SPON1: variants seen among roughly 807,000 people sequenced by gnomAD.
SPON1 encodes spondin 1.
Under a neutral mutation model 111.7 loss-of-function variants are expected in SPON1, and 52 were observed. That is an observed-to-expected ratio of 0.47 (90% confidence interval 0.37 to 0.59). SPON1 has a LOEUF of 0.59. Among genes scored for constraint, SPON1 ranks in the 20% least tolerant of loss-of-function variants. The pLI, the probability that SPON1 is intolerant of heterozygous loss-of-function variation, is 0.00. For synonymous variants in SPON1, 410 were observed against 395.8 expected, an observed-to-expected ratio of 1.04 and a Z score of -0.43; for missense variants, 957 against 1,068.5, an observed-to-expected ratio of 0.90 and a Z score of 1.46.
intron 2 of SPON1, among the ~76,000 whole-genome samples, chr11:14,038,883 A>G (rs1196769784): frequency 6.6e-6 from 1 of 152,230 alleles, no homozygotes; most frequent in East Asian, 1.9e-4. Context: ...ATGTCCACCC[A>G]AAAACCTGCA....
chr11:14,076,918 T>G (rs1848922391), intron 4 of SPON1, among the ~76,000 whole-genome samples: 1 of 152,224 alleles, frequency 6.6e-6, no homozygotes, highest in Admixed American at 6.5e-5. Flanking sequence ...GCTTTTCTTT[T>G]TTGTGTTCAA....
chr11:14,171,028 T>G (rs1554932395), intron 6 of SPON1, among the ~76,000 whole-genome samples: 1 of 152,236 alleles, frequency 6.6e-6, no homozygotes, highest in African/African-American at 2.4e-5. Flanking sequence ...TAGGGAGGAT[T>G]CCCTCTTTTT....
At chr11:14,231,766 C>A (rs1190263189) in intron 6 of SPON1, among the ~76,000 whole-genome samples, 2 of 151,712 alleles carry the variant, frequency 1.3e-5, no homozygotes, top group Non-Finnish European at 2.9e-5. Flanking sequence ...TGTGACATGA[C>A]TTTTTTAATG....
At chr11:14,161,629 C>G (rs1481346327) in intron 6 of SPON1, among the ~76,000 whole-genome samples, 1 of 151,866 alleles carries the variant, frequency 6.6e-6, no homozygotes, top group African/African-American at 2.4e-5. Context: ...AGAGCACTTA[C>G]ATTAACCCAA....
intron 14 of SPON1, among the ~76,000 whole-genome samples, chr11:14,261,354 G>T (rs959357292): frequency 2.0e-5 from 3 of 152,176 alleles, no homozygotes; most frequent in Non-Finnish European, 4.4e-5. Flanking sequence ...TTTTTGGGTG[G>T]TAAAAGGGCA....
At chr11:14,099,503 GC>G (rs1849127520) in intron 5 of SPON1, among the ~76,000 whole-genome samples, 1 of 152,058 alleles carries the variant, frequency 6.6e-6, no homozygotes, top group Non-Finnish European at 1.5e-5. Context: ...GTAGCTCTGA[GC>G]CCTTCCCAGG....
intron 5 of SPON1, among the ~76,000 whole-genome samples, chr11:14,088,807 T>G (rs1849027576): frequency 6.6e-6 from 1 of 152,122 alleles, no homozygotes; most frequent in South Asian, 2.1e-4. Flanking sequence ...TACTCCCATA[T>G]TTCTTAGAGG....
intron 2 of SPON1, among the ~76,000 whole-genome samples, chr11:14,036,747 A>G (rs1554916674): frequency 6.6e-6 from 1 of 152,104 alleles, no homozygotes; most frequent in Non-Finnish European, 1.5e-5. Context: ...ACCTTGAGCA[A>G]GTTCAAATTT....
intron 3 of SPON1, among the ~76,000 whole-genome samples, chr11:14,047,678 G>T (rs1273133798): frequency 6.6e-6 from 1 of 152,176 alleles, no homozygotes; most frequent in African/African-American, 2.4e-5. Context: ...TTAGGGTTTG[G>T]ATAAAAGGAC....
intron 6 of SPON1, among the ~76,000 whole-genome samples, chr11:14,193,918 C>T (rs1408592451): frequency 2.6e-5 from 4 of 152,160 alleles, no homozygotes; most frequent in African/African-American, 9.7e-5. Flanking sequence ...ATGCTGCTTC[C>T]CTGAGGAGCT....
intron 6 of SPON1, among the ~76,000 whole-genome samples, chr11:14,214,951 A>G (rs1848611766): frequency 6.6e-6 from 1 of 152,234 alleles, no homozygotes; most frequent in Non-Finnish European, 1.5e-5. Flanking sequence ...TTAAGTGAAA[A>G]GTTTGGAGAT....
intron 6 of SPON1, among the ~76,000 whole-genome samples, chr11:14,197,225 G>C (rs1399850699): frequency 6.6e-6 from 1 of 152,012 alleles, no homozygotes; most frequent in African/African-American, 2.4e-5. Flanking sequence ...TTCTAATATT[G>C]ATGCCTAATT....
At chr11:13,989,142 C>T (rs988983168) in intron 2 of SPON1, among the ~76,000 whole-genome samples, 2 of 152,082 alleles carry the variant, frequency 1.3e-5, no homozygotes, top group South Asian at 2.1e-4. Context: ...CCTCTTTGTA[C>T]CTCTGGTAGA....
intron 2 of SPON1, among the ~76,000 whole-genome samples, chr11:13,996,724 T>TATATATATACAC (rs569794197): frequency 6.6e-5 from 10 of 151,926 alleles, no homozygotes; most frequent in African/African-American, 2.4e-4. Context: ...TATATATATA[T>TATATATATACAC]ACACACACAC....
chr11:14,234,010 T>C (rs893618934), intron 6 of SPON1, among the ~76,000 whole-genome samples: 1 of 152,174 alleles, frequency 6.6e-6, no homozygotes, highest in African/African-American at 2.4e-5. Context: ...TCCATCAACC[T>C]TGGCCTCCCA....
At chr11:14,059,413 C>T (rs1030671524) in intron 3 of SPON1, among the ~76,000 whole-genome samples, 7 of 152,098 alleles carry the variant, frequency 4.6e-5, no homozygotes, top group African/African-American at 1.7e-4. Flanking sequence ...CATGTGGTCT[C>T]AGGCAGGAGG....
rs5789825 is a variant in SPON1, at chr11:14,178,045, A to AACACACAC, written c.825+42500_825+42507dup. Among the ~76,000 whole-genome samples the AACACACAC allele has an allele frequency of 7.6e-3, 1,085 of 142,696 alleles. 11 individuals carry two copies. The highest frequency in any genetic ancestry group is 0.019 in the African/African-American group (730 of 39,332). The allele number at this position is 142,696 out of a possible 152,430, so 93.6% of individuals were successfully genotyped here. On this transcript the variant is annotated intron_variant, in intron 6 of 15. Coordinates refer to ENST00000576479, the MANE Select transcript of SPON1 (RefSeq NM_006108.4). ...CTCACTGTTGTAAAACACACACACA[A>AACACACAC]ACACACACACACACACACACACACA...
chr11:14,245,983 C>T (rs1848984893), intron 7 of SPON1, among the ~76,000 whole-genome samples: 1 of 152,220 alleles, frequency 6.6e-6, no homozygotes, highest in South Asian at 2.1e-4. Flanking sequence ...GTCAGGTCAC[C>T]CTGAATCTCC....
chr11:14,149,353 T>C (rs964081124), intron 6 of SPON1, among the ~76,000 whole-genome samples: 2 of 152,238 alleles, frequency 1.3e-5, no homozygotes, highest in African/African-American at 4.8e-5. Context: ...AGAATAAGGA[T>C]ATAAAGAATG....
Sources: gnomAD v4.1 joint callset for allele counts (sites outside exome capture counted in the v4.1 genomes callset) on GRCh38, gnomAD v4.1.1 for gene constraint, MANE v1.5 for transcripts, NCBI Gene and HGNC (gene_info 2026-07-23, HGNC 2026-07-21) for gene names.